RASGRF1: variants seen among roughly 807,000 people sequenced by gnomAD.
RASGRF1 encodes the protein ras-specific guanine nucleotide-releasing factor 1.
In RASGRF1, 40 loss-of-function variants were observed where a neutral mutation model predicts 138.7. That is an observed-to-expected ratio of 0.29 (90% CI 0.22 to 0.38). RASGRF1 has a LOEUF of 0.38. Among genes scored for constraint, RASGRF1 ranks in the 10% least tolerant of loss-of-function variants. The probability of loss-of-function intolerance (pLI) is 1.00; values close to 1 mark genes in which losing one functional copy is unlikely to be tolerated. For missense variants in RASGRF1, 1,108 were observed against 1,650.4 expected, an observed-to-expected ratio of 0.67 and a Z score of 5.69; for synonymous variants, 614 against 663.2, an observed-to-expected ratio of 0.93 and a Z score of 1.14.
chr15:78,980,900 T>G lies in RASGRF1; in HGVS notation c.3415-201A>C, dbSNP rs548213781. On this transcript the variant is annotated intron_variant, in intron 23 of 26. Transcript: ENST00000558480. ...CACGGGTCCTTGTTGAGTGTGCCTG[T>G]GCTCCCACATCTCTCAGAAGCAAGG... is the stretch of plus-strand genomic sequence containing the variant. 69 of 424,962 alleles carry G rather than the reference T, an allele frequency of 1.6e-4. No homozygotes were observed. In the East Asian group the frequency reaches 2.0e-3, roughly 12 times the overall value. The allele number at this position is 424,962 out of a possible 1,614,324, so 26.3% of individuals were successfully genotyped here. A position where few individuals can be genotyped will look rare whatever the true frequency, so the allele number is the denominator to read the frequency against.
chr15:79,021,693 C>G (rs2056963453), intron 10 of RASGRF1, among the ~76,000 whole-genome samples: 1 of 152,188 alleles, frequency 6.6e-6, no homozygotes, highest in African/African-American at 2.4e-5. Context: ...ACTCTGGAGC[C>G]AGACTGGCTG....
chr15:79,087,465 T>G (rs767232508), intron 1 of RASGRF1, among the ~76,000 whole-genome samples: 2 of 152,224 alleles, frequency 1.3e-5, no homozygotes, highest in Non-Finnish European at 2.9e-5. Context: ...TGCTTGGACA[T>G]TGGTAAAATG....
chr15:79,029,479 G>T (rs780149717), intron 8 of RASGRF1, among the ~76,000 whole-genome samples: 16 of 152,146 alleles, frequency 1.1e-4, no homozygotes, highest in Admixed American at 2.0e-4. Flanking sequence ...CCCCAGGTGG[G>T]GGTCTGTGTT....
intron 8 of RASGRF1, among the ~76,000 whole-genome samples, chr15:79,030,482 T>C (rs1215929817): frequency 6.6e-6 from 1 of 152,206 alleles, no homozygotes; most frequent in East Asian, 1.9e-4. Context: ...AAGCTGATGA[T>C]TGCCGGATTT....
intron 26 of RASGRF1, among the ~76,000 whole-genome samples, chr15:78,963,214 AT>A (rs1333367157): frequency 1.3e-5 from 2 of 152,190 alleles, no homozygotes; most frequent in East Asian, 3.8e-4. Context: ...TCCAAAAAGT[AT>A]CTTTCCAAGA....
At chr15:79,017,645 A>C (rs1225701562) in intron 12 of RASGRF1, 125 bp downstream of exon 12, 1 of 1,239,874 alleles carries the variant, frequency 8.1e-7, no homozygotes, top group African/African-American at 1.6e-5. Context: ...AGATTCTTGC[A>C]TCTTTCTCTG....
At chr15:79,081,394 G>A (rs2057911720) in intron 1 of RASGRF1, among the ~76,000 whole-genome samples, 2 of 152,278 alleles carry the variant, frequency 1.3e-5, no homozygotes, top group South Asian at 4.2e-4. Flanking sequence ...TTGGCTTCCT[G>A]CCTCCAGATG....
chr15:79,063,054 T>G (rs944747472), intron 2 of RASGRF1, among the ~76,000 whole-genome samples: 2 of 152,202 alleles, frequency 1.3e-5, no homozygotes, highest in Non-Finnish European at 2.9e-5. Context: ...TATTTCCAGC[T>G]TCCCCAGATT....
chr15:79,061,413 A>AAAATATAT (rs145875273), intron 2 of RASGRF1, among the ~76,000 whole-genome samples: 1 of 117,060 alleles, frequency 8.5e-6, no homozygotes, highest in African/African-American at 3.5e-5. Context: ...CTATCTTTAA[A>AAAATATAT]ATATATATAT....
Position 79,027,446 on chromosome 15 carries a change from C to T in RASGRF1, c.1381+295G>A, listed in dbSNP as rs1485129103. Among the ~76,000 whole-genome samples, 5 of 152,122 alleles carry T rather than the reference C, an allele frequency of 3.3e-5. No homozygotes were observed. Among genetic ancestry groups the T allele is most frequent in the Admixed American group, 6.5e-5 (1 of 15,278 alleles). On this transcript the variant is annotated intron_variant, in intron 9 of 26. Transcript: ENST00000558480. This position sits in a 1 kb window ranked among gnomAD's most constrained non-coding sequence, Gnocchi z 4.8. ...TACTTTCTCCCCAAAAAGGACATGT[C>T]GATGTTTACTATGACATACAATAGA...
chr15:79,066,544 CCA>C (rs968273964), intron 1 of RASGRF1, among the ~76,000 whole-genome samples: 1 of 152,244 alleles, frequency 6.6e-6, no homozygotes, highest in African/African-American at 2.4e-5. Flanking sequence ...ATTGCTGGGA[CCA>C]CAGCAGGAGT....
intron 22 of RASGRF1, among the ~76,000 whole-genome samples, chr15:78,988,495 A>G (rs2056205772): frequency 1.3e-5 from 2 of 152,128 alleles, no homozygotes; most frequent in African/African-American, 4.8e-5. Context: ...TGCAGGAACC[A>G]CTGGGTGCCC....
chr15:79,086,389 G>T (rs967522120), intron 1 of RASGRF1, among the ~76,000 whole-genome samples: 1 of 152,198 alleles, frequency 6.6e-6, no homozygotes, highest in Non-Finnish European at 1.5e-5. Context: ...CCATTGCCTT[G>T]CTGGGCAGCC....
intron 6 of RASGRF1, 105 bp downstream of exon 6, chr15:79,035,026 A>C: frequency 1.1e-6 from 1 of 891,294 alleles, no homozygotes; most frequent in Non-Finnish European, 1.7e-6. Context: ...GGTTTTAAAA[A>C]GTGACACTCT....
rs747630911 is a variant in RASGRF1 at position 78,984,991 on chromosome 15, A to G, written c.3414+16T>C. 6.2e-7 allele frequency: 1 copy of G among 1,611,026 alleles called. No homozygotes were observed. Among genetic ancestry groups the G allele is most frequent in the African/African-American group, 1.3e-5 (1 of 75,008 alleles). ...CCAGCCCCAGGGAGGCAGTGGTGCC[A>G]GCCTCCTGCCCGCACCTGCTTAGAG... On this transcript the variant is annotated intron_variant, in intron 23 of 26. Coordinates refer to ENST00000558480, the MANE Select transcript of RASGRF1 (RefSeq NM_001145648.3).
At chr15:79,053,935 A>T (rs1345795714) in intron 3 of RASGRF1, among the ~76,000 whole-genome samples, 1 of 152,370 alleles carries the variant, frequency 6.6e-6, no homozygotes, top group East Asian at 1.9e-4. Context: ...GCAGACAATG[A>T]TATGATGGTA....
rs188775634 is a variant in RASGRF1, at chr15:79,054,094, G to A, written c.531+4240C>T. Reference sequence around the variant, plus strand: ...GAAATTCTTGAAAATCTAACAGTTGGCTCTTGCAAGCTGGCATGATAGAGT... The same window carrying A: ...GAAATTCTTGAAAATCTAACAGTTGACTCTTGCAAGCTGGCATGATAGAGT... On this transcript the variant is annotated intron_variant, in intron 3 of 26. Coordinates refer to ENST00000558480, the MANE Select transcript of RASGRF1 (RefSeq NM_001145648.3). Among the ~76,000 whole-genome samples, 5 of 152,348 alleles carry A rather than the reference G, an allele frequency of 3.3e-5. No individual in the cohort carries two copies. The East Asian group carries it at 9.6e-4, about 29-fold the overall frequency.
At chr15:79,023,051 G>T (rs1430914459) in intron 10 of RASGRF1, among the ~76,000 whole-genome samples, 3 of 152,074 alleles carry the variant, frequency 2.0e-5, no homozygotes, top group Non-Finnish European at 4.4e-5. Context: ...GTGGGCTCCT[G>T]TAGTCCCAGC....
intron 1 of RASGRF1, among the ~76,000 whole-genome samples, chr15:79,069,290 C>T (rs1049368590): frequency 6.6e-6 from 1 of 152,210 alleles, no homozygotes; most frequent in Non-Finnish European, 1.5e-5. Context: ...TGATGGTCCT[C>T]ACTCCTCTTG....
Sources: allele counts gnomAD v4.1 joint callset (sites outside exome capture counted in the v4.1 genomes callset), GRCh38; gene constraint gnomAD v4.1.1; non-coding constraint Gnocchi (gnomAD v3.1); transcripts MANE v1.5; gene names NCBI Gene and HGNC (gene_info 2026-07-23, HGNC 2026-07-21).